OXR1: variants seen among roughly 807,000 people sequenced by gnomAD.
The protein encoded by OXR1 is oxidation resistance protein 1.
In OXR1, 41 loss-of-function variants were observed where a neutral mutation model predicts 104.6. The ratio of observed to expected loss-of-function variants is 0.39; its 90% CI spans 0.31 to 0.51. OXR1 has a LOEUF of 0.51. OXR1 is among the 20% of genes least tolerant of loss of function. OXR1 has a pLI of 0.77. For missense variants in OXR1, 955 were observed against 1,031.9 expected (o/e 0.93, Z 1.02); for synonymous variants, 348 against 348.4 (o/e 1.00, Z 0.01).
intron 3 of OXR1, among the ~76,000 whole-genome samples, chr8:106,605,467 G>A (rs1820299137): frequency 6.6e-6 from 1 of 151,964 alleles, no homozygotes; most frequent in Non-Finnish European, 1.5e-5. Flanking sequence ...GAAATAGCTA[G>A]GATTTAATGG....
chr8:106,732,044 A>G (rs1431186275), intron 11 of OXR1, among the ~76,000 whole-genome samples: 1 of 152,120 alleles, frequency 6.6e-6, no homozygotes, highest in Non-Finnish European at 1.5e-5. Context: ...TGGGATATGT[A>G]TTTAAATCTT....
rs140749641 is a variant in OXR1 at position 106,601,484 on chromosome 8, G to A, written c.221-77726G>A. On this transcript the variant is annotated intron_variant, in intron 3 of 16. Coordinates refer to ENST00000517566, the MANE Select transcript of OXR1 (RefSeq NM_001198533.2). Reference sequence around the variant, plus strand: ...TTGTATCCTCACATGGAGAGAGCCCGGGCCCTTCCATCTAATATACTAGAA... The same window carrying A: ...TTGTATCCTCACATGGAGAGAGCCCAGGCCCTTCCATCTAATATACTAGAA... Among the ~76,000 whole-genome samples the A allele has an allele frequency of 7.0e-3, 1,068 of 152,264 alleles. 6 individuals are homozygous for A. Among genetic ancestry groups the A allele is most frequent in the Middle Eastern group, 0.027 (8 of 294 alleles).
At chr8:106,439,718 G>A (rs372774881) in intron 2 of OXR1, among the ~76,000 whole-genome samples, 1 of 151,968 alleles carries the variant, frequency 6.6e-6, no homozygotes, top group African/African-American at 2.4e-5. Flanking sequence ...CTAGGAGATC[G>A]AGCAGAGCAT....
At chr8:106,692,486 T>C (rs1829405869) in intron 6 of OXR1, among the ~76,000 whole-genome samples, 1 of 152,094 alleles carries the variant, frequency 6.6e-6, no homozygotes, top group Non-Finnish European at 1.5e-5. Flanking sequence ...TATGTGTATC[T>C]CCCTATTAAA....
chr8:106,281,755 G>A (rs764087813), intron 1 of OXR1, among the ~76,000 whole-genome samples: 11 of 144,034 alleles, frequency 7.6e-5, no homozygotes, highest in Admixed American at 1.4e-4. Context: ...AGCAGAGATC[G>A]TGCCACTGCA....
At chr8:106,521,319 C>A (rs1478381519) in intron 3 of OXR1, among the ~76,000 whole-genome samples, 1 of 152,074 alleles carries the variant, frequency 6.6e-6, no homozygotes, top group Non-Finnish European at 1.5e-5. Context: ...CTCAATTCAC[C>A]CTCACAACAG....
chr8:106,453,527 C>A (rs763884715), intron 2 of OXR1, among the ~76,000 whole-genome samples: 11 of 152,126 alleles, frequency 7.2e-5, no homozygotes, highest in Non-Finnish European at 1.6e-4. Flanking sequence ...TTAATTCAGG[C>A]ACTCATTATC....
At chr8:106,295,653 A>T (rs1812963906) in intron 1 of OXR1, among the ~76,000 whole-genome samples, 1 of 152,158 alleles carries the variant, frequency 6.6e-6, no homozygotes, top group Non-Finnish European at 1.5e-5. Flanking sequence ...TTACAAGCTG[A>T]CCAGTTACCA....
At chr8:106,733,079 T>C (rs1257013767) in intron 11 of OXR1, among the ~76,000 whole-genome samples, 1 of 152,102 alleles carries the variant, frequency 6.6e-6, no homozygotes, top group African/African-American at 2.4e-5. Context: ...TTTTTTTGAG[T>C]TGGAGTTTTG....
chr8:106,697,709 G>T, intron 7 of OXR1: 3 of 1,614,032 alleles, frequency 1.9e-6, no homozygotes, highest in Non-Finnish European at 2.5e-6. Context: ...ATGCCATAGC[G>T]CTCAGCTGCT....
intron 1 of OXR1, among the ~76,000 whole-genome samples, chr8:106,310,278 T>C (rs550255378): frequency 2.6e-5 from 4 of 151,116 alleles, no homozygotes; most frequent in African/African-American, 7.3e-5. Context: ...ATCAGAAATA[T>C]AAACAACTTC....
chr8:106,398,951 C>T (rs1395791261), intron 2 of OXR1, among the ~76,000 whole-genome samples: 1 of 152,082 alleles, frequency 6.6e-6, no homozygotes, highest in African/African-American at 2.4e-5. Context: ...TTCTCATCTT[C>T]CCTAAAATTT....
intron 3 of OXR1, among the ~76,000 whole-genome samples, chr8:106,656,757 T>A (rs1467805186): frequency 1.3e-5 from 2 of 151,346 alleles, no homozygotes; most frequent in African/African-American, 4.9e-5. Flanking sequence ...TGGTGAAATT[T>A]ATCCCACCTA....
chr8:106,518,458 T>C (rs1813011681), intron 2 of OXR1, among the ~76,000 whole-genome samples: 1 of 152,228 alleles, frequency 6.6e-6, no homozygotes, highest in Non-Finnish European at 1.5e-5. Flanking sequence ...TTACTGAGAA[T>C]GCATAGTAAA....
At chr8:106,432,976 A>G (rs138932835) in intron 2 of OXR1, among the ~76,000 whole-genome samples, 3 of 152,304 alleles carry the variant, frequency 2.0e-5, no homozygotes, top group East Asian at 1.9e-4. Context: ...AGATTGATCT[A>G]TAACTGCCCA....
intron 3 of OXR1, among the ~76,000 whole-genome samples, chr8:106,674,655 C>G (rs1827382217): frequency 6.6e-6 from 1 of 152,118 alleles, no homozygotes; most frequent in African/African-American, 2.4e-5. Flanking sequence ...CAAATCTCAT[C>G]TTGAAATATT....
At chr8:106,630,065 AGGGAGATTGTGGCTTAGCTTTCTCT>A (rs1458395281) in intron 3 of OXR1, among the ~76,000 whole-genome samples, 1 of 152,174 alleles carries the variant, frequency 6.6e-6, no homozygotes, top group Non-Finnish European at 1.5e-5. Flanking sequence ...TTCTTTATAT[AGGGAGATTGTGGCTTAGCTTTCTCT>A]GGGAGATTGT....
intron 2 of OXR1, among the ~76,000 whole-genome samples, chr8:106,387,036 A>G (rs1369573029): frequency 6.6e-6 from 1 of 152,222 alleles, no homozygotes; most frequent in African/African-American, 2.4e-5. Context: ...AAAAACTGGA[A>G]ACAGAAAGGA....
At chr8:106,741,422 G>C (rs1278222971) in intron 14 of OXR1, among the ~76,000 whole-genome samples, 1 of 152,108 alleles carries the variant, frequency 6.6e-6, no homozygotes. Flanking sequence ...GTAGTGTTCT[G>C]TTTCTTGGTC....
Sources: gnomAD v4.1 joint callset for allele counts (sites outside exome capture counted in the v4.1 genomes callset) on GRCh38, gnomAD v4.1.1 for gene constraint, MANE v1.5 for transcripts, NCBI Gene and HGNC (gene_info 2026-07-23, HGNC 2026-07-21) for gene names.